The following ZC3H12D variants were observed in gnomAD, a reference collection of about 807,000 sequenced individuals.
The protein encoded by ZC3H12D is probable ribonuclease ZC3H12D.
In ZC3H12D, 11 loss-of-function variants were observed where a neutral mutation model predicts 24.2. The ratio of observed to expected loss-of-function variants is 0.46; its 90% CI spans 0.29 to 0.75. ZC3H12D has a LOEUF of 0.75. Ranked by LOEUF, ZC3H12D falls within the 30% of genes least tolerant of loss-of-function variation. ZC3H12D has a pLI of 0.11. For missense variants in ZC3H12D, 740 were observed against 767.7 expected, an observed-to-expected ratio of 0.96 and a Z score of 0.43; for synonymous variants, 333 against 341.8, an observed-to-expected ratio of 0.97 and a Z score of 0.28.
At chr6:149,475,312 C>T (rs1776318018) in intron 1 of ZC3H12D, among the ~76,000 whole-genome samples, 1 of 152,210 alleles carries the variant, frequency 6.6e-6, no homozygotes, top group South Asian at 2.1e-4. Flanking sequence ...GCCAAATGCC[C>T]CCGGGCGAAT....
Position 149,452,629 on chromosome 6 carries a change from C to T in ZC3H12D, c.774G>A (p.Gln258=), listed in dbSNP as rs1304484865. 2 of 1,589,288 alleles carry T rather than the reference C, an allele frequency of 1.3e-6. No homozygotes were observed. The highest frequency in any genetic ancestry group is 2.3e-5 in the South Asian group (2 of 86,432). ...GGCCCTACCCACCATAAGGACAATGCTGCCAGGATGGCTCTGGGGGCTTCG... is the reference window on the plus strand; with the variant it reads ...GGCCCTACCCACCATAAGGACAATGTTGCCAGGATGGCTCTGGGGGCTTCG... The part of the protein sequence containing the change: ...RKPKPPEPSW[Q]HCPYGKKCTY... Residue 258 remains glutamine, a synonymous_variant, in exon 5 of 6, where the codon CAG becomes CAA. Coordinates refer to ENST00000409806, the MANE Select transcript of ZC3H12D (RefSeq NM_207360.3). The surrounding 1 kb of genome is among the most constrained non-coding windows in gnomAD (Gnocchi z 4.0).
chr6:149,455,758 T>C (rs998628319), intron 4 of ZC3H12D, among the ~76,000 whole-genome samples: 1 of 152,176 alleles, frequency 6.6e-6, no homozygotes, highest in African/African-American at 2.4e-5. Context: ...GATTCTGGGC[T>C]GGGCTCAGTG....
At chr6:149,457,377 T>A (rs1776001072) in intron 3 of ZC3H12D, among the ~76,000 whole-genome samples, 2 of 152,018 alleles carry the variant, frequency 1.3e-5, no homozygotes, top group South Asian at 4.1e-4. Flanking sequence ...GAGCCAGAGG[T>A]CCATCTTCTC....
chr6:149,461,668 G>A (rs1334885142), intron 3 of ZC3H12D, 163 bp downstream of exon 3: 6 of 677,386 alleles, frequency 8.9e-6, no homozygotes, highest in African/African-American at 1.8e-5. Flanking sequence ...CTAGGGCTAT[G>A]GCATTGAACA....
At chr6:149,464,431 A>T (rs1213890561) in intron 2 of ZC3H12D, among the ~76,000 whole-genome samples, 2 of 152,090 alleles carry the variant, frequency 1.3e-5, no homozygotes, top group Non-Finnish European at 2.9e-5. Flanking sequence ...CTCAAATTAG[A>T]TCACTCCACA....
chr6:149,462,526 T>G (rs1433035116), intron 2 of ZC3H12D, among the ~76,000 whole-genome samples: 1 of 152,208 alleles, frequency 6.6e-6, no homozygotes, highest in Non-Finnish European at 1.5e-5. Context: ...GGCTCTGTTA[T>G]AGCTAATATC....
At chr6:149,484,653 G>A (rs1331497045) in intron 1 of ZC3H12D, among the ~76,000 whole-genome samples, 160 bp downstream of exon 1, 2 of 152,190 alleles carry the variant, frequency 1.3e-5, no homozygotes, top group Non-Finnish European at 2.9e-5. Flanking sequence ...TTTAGAGTGT[G>A]AGAAATCAGA....
At chr6:149,468,199 T>G (rs1776191125) in intron 2 of ZC3H12D, among the ~76,000 whole-genome samples, 1 of 151,970 alleles carries the variant, frequency 6.6e-6, no homozygotes, top group South Asian at 2.1e-4. Flanking sequence ...CAGGCTGGTC[T>G]CAAACTCCTG....
intron 2 of ZC3H12D, among the ~76,000 whole-genome samples, chr6:149,462,190 A>G (rs2115005981): frequency 6.6e-6 from 1 of 152,274 alleles, no homozygotes; most frequent in East Asian, 1.9e-4. Flanking sequence ...CCTGGCCAAC[A>G]TGGTGAAACC....
At chr6:149,463,893 C>T (rs1776113362) in intron 2 of ZC3H12D, among the ~76,000 whole-genome samples, 1 of 152,194 alleles carries the variant, frequency 6.6e-6, no homozygotes, top group South Asian at 2.1e-4. Flanking sequence ...TATTCACTGA[C>T]ACCAGGAATT....
chr6:149,459,599 A>AGGAC, intron 3 of ZC3H12D: 1 of 689,326 alleles, frequency 1.5e-6, no homozygotes, highest in South Asian at 1.5e-5. Context: ...CAAAATCGGG[A>AGGAC]TGACTAACAG....
intron 2 of ZC3H12D, among the ~76,000 whole-genome samples, chr6:149,470,542 A>AT (rs1406889168): frequency 3.3e-5 from 5 of 151,930 alleles, no homozygotes; most frequent in Non-Finnish European, 5.9e-5. Flanking sequence ...TGAAGAAAAA[A>AT]AAAATAAAAA....
chr6:149,460,839 A>AAG (rs61580121), intron 3 of ZC3H12D, among the ~76,000 whole-genome samples: 23,005 of 151,402 alleles, frequency 0.15, 1,929 homozygotes, highest in African/African-American at 0.23. Context: ...TCAAAAAAAA[A>AAG]AAAGAAAGAA....
chr6:149,476,394 C>G (rs1379430766), intron 1 of ZC3H12D, among the ~76,000 whole-genome samples: 1 of 152,112 alleles, frequency 6.6e-6, no homozygotes, highest in Admixed American at 6.6e-5. Context: ...ATCTCAGCTA[C>G]TTGGGAGGCT....
intron 2 of ZC3H12D, 48 bp downstream of exon 2, chr6:149,474,191 G>A (rs373097385): frequency 5.2e-4 from 736 of 1,421,284 alleles, no homozygotes; most frequent in Non-Finnish European, 6.7e-4. Context: ...CAGGGCTCCT[G>A]CGAACAGGGG....
chr6:149,459,657 C>G lies in ZC3H12D; in HGVS notation c.445+2174G>C, dbSNP rs539145656. ...AGCTGCTCCCAGGAGAATGGACCTCCACTCATTTCCCATCCCTATCCCTAT... is the reference window on the plus strand; with the variant it reads ...AGCTGCTCCCAGGAGAATGGACCTCGACTCATTTCCCATCCCTATCCCTAT... On this transcript the variant is annotated intron_variant, in intron 3 of 5. Transcript: ENST00000409806. The G allele has an allele frequency of 5.6e-6, 4 of 718,010 alleles. No individual in the cohort carries two copies. In the South Asian group the frequency reaches 5.9e-5, roughly 11 times the overall value. 44.5% of individuals were successfully genotyped at this position (718,010 alleles called of 1,614,324 possible). A position where few individuals can be genotyped will look rare whatever the true frequency, so the allele number is the denominator to read the frequency against.
chr6:149,460,886 C>T (rs1472112155), intron 3 of ZC3H12D, among the ~76,000 whole-genome samples: 1 of 151,628 alleles, frequency 6.6e-6, no homozygotes, highest in Non-Finnish European at 1.5e-5. Context: ...CACCTATAGT[C>T]CCAGCTACTG....
At chr6:149,482,159 C>T (rs1776437795) in intron 1 of ZC3H12D, among the ~76,000 whole-genome samples, 1 of 152,260 alleles carries the variant, frequency 6.6e-6, no homozygotes, top group African/African-American at 2.4e-5. Flanking sequence ...TGAAAGAATG[C>T]ATCTACTTCA....
rs1453183648 is a variant in ZC3H12D at position 149,461,894 on chromosome 6, A to G, written c.382T>C (p.Tyr128His). 1 of 1,605,356 alleles carries G rather than the reference A, an allele frequency of 6.2e-7. No individual in the cohort carries two copies. Among genetic ancestry groups the G allele is most frequent in the Middle Eastern group, 1.7e-4 (1 of 6,056 alleles). The change falls in exon 3 of 6, where the codon TAC becomes CAC. Residue 128 changes from tyrosine (Y) to histidine (H), a missense_variant. By Grantham distance (83) the Tyr-to-His change is moderately conservative (BLOSUM62 2). Coordinates refer to ENST00000409806, the MANE Select transcript of ZC3H12D (RefSeq NM_207360.3). ...CAGGATGGAACAAAAACTTTGATGTAGGTGTGTCCTCTGTCCCTGAACCAG... is the reference window on the plus strand; with the variant it reads ...CAGGATGGAACAAAAACTTTGATGTGGGTGTGTCCTCTGTCCCTGAACCAG... ...VDWFRDRGHTYIKVFVPSWRK... is the reference protein window; with the variant it reads ...VDWFRDRGHTHIKVFVPSWRK...
Sources: allele counts gnomAD v4.1 joint callset (sites outside exome capture counted in the v4.1 genomes callset), GRCh38; gene constraint gnomAD v4.1.1; non-coding constraint Gnocchi (gnomAD v3.1); transcripts MANE v1.5; gene names NCBI Gene and HGNC (gene_info 2026-07-23, HGNC 2026-07-21).